The following ABLIM2 variants were observed in gnomAD, a reference collection of about 807,000 sequenced individuals.
ABLIM2 encodes actin binding LIM protein family member 2.
ABLIM2 carries 53 observed loss-of-function variants against 97.7 expected under a neutral mutation model. The ratio of observed to expected loss-of-function variants is 0.54; its 90% CI spans 0.44 to 0.68. ABLIM2 has a LOEUF of 0.68. Among genes scored for constraint, ABLIM2 ranks in the 30% least tolerant of loss-of-function variants. ABLIM2 has a pLI of 0.00. For synonymous variants in ABLIM2, 361 were observed against 345.8 expected (o/e 1.04, Z -0.49); for missense variants, 835 against 867.2 (o/e 0.96, Z 0.47).
intron 14 of ABLIM2, among the ~76,000 whole-genome samples, chr4:8,016,139 G>A (rs1769060420): frequency 6.8e-6 from 1 of 146,230 alleles, no homozygotes; most frequent in East Asian, 2.1e-4. Context: ...CTGCCTCCCG[G>A]GTTCAAGCGA....
intron 1 of ABLIM2, among the ~76,000 whole-genome samples, chr4:8,118,702 T>C (rs570557912): frequency 4.3e-4 from 65 of 152,302 alleles, no homozygotes; most frequent in African/African-American, 1.5e-3. Context: ...TTGTCCTCGA[T>C]AGTCCTGGCA....
At position 8,096,106 on chromosome 4, in the gene ABLIM2, C is replaced by T. The variant is rs114220404; in HGVS notation, c.338+993G>A. On this transcript the variant is annotated intron_variant, in intron 3 of 20. Transcript: ENST00000447017. ...CCCTTGGGTCTCTCCCCCAACCCCA[C>T]GCTATCCTTCCGGAAACTGCCTCCA... Among the ~76,000 whole-genome samples, 385 of 152,288 alleles carry T rather than the reference C, an allele frequency of 2.5e-3. 1 individual carries two copies. The highest frequency in any genetic ancestry group is 9.0e-3 in the African/African-American group (375 of 41,552).
At chr4:7,987,775 G>A (rs1211553247) in intron 17 of ABLIM2, among the ~76,000 whole-genome samples, 1 of 152,194 alleles carries the variant, frequency 6.6e-6, no homozygotes, top group Non-Finnish European at 1.5e-5. Flanking sequence ...GTCTAGAGCA[G>A]GGAAAGTGGG....
At chr4:8,018,480 C>T (rs915124932) in intron 14 of ABLIM2, among the ~76,000 whole-genome samples, 1 of 152,198 alleles carries the variant, frequency 6.6e-6, no homozygotes, top group African/African-American at 2.4e-5. Context: ...GAGGTTCATG[C>T]TCTACGCTTC....
rs1745444450 is a variant in ABLIM2 at position 7,987,625 on chromosome 4, A to C, written c.1681-2732T>G. The stretch of plus-strand genomic sequence containing the variant: ...GGGCTTCCAAAACTCGCAGGGCACC[A>C]CCTTCACCTTGGACGGTTGGAAACT... On this transcript the variant is annotated intron_variant, in intron 17 of 20. Transcript: ENST00000447017. Among the ~76,000 whole-genome samples the C allele has an allele frequency of 2.0e-5, 3 of 152,148 alleles. No homozygotes were observed. The South Asian group carries it at 6.2e-4, about 32-fold the overall frequency.
intron 20 of ABLIM2, among the ~76,000 whole-genome samples, chr4:7,974,566 T>A (rs1731332186): frequency 1.1e-5 from 1 of 87,138 alleles, no homozygotes; most frequent in Non-Finnish European, 2.2e-5. Flanking sequence ...CGCCTACCCA[T>A]CCACCCATCC....
chr4:8,103,251 C>T (rs933312521), intron 2 of ABLIM2, among the ~76,000 whole-genome samples: 4 of 152,174 alleles, frequency 2.6e-5, no homozygotes, highest in African/African-American at 9.7e-5. Flanking sequence ...TTTATTCATC[C>T]CAAAGCACCC....
intron 20 of ABLIM2, among the ~76,000 whole-genome samples, chr4:7,982,678 G>C (rs1460427716): frequency 6.6e-6 from 1 of 151,852 alleles, no homozygotes; most frequent in Admixed American, 6.6e-5. Context: ...CAGTAGGAGA[G>C]AACAGGCACC....
At chr4:7,989,382 T>C (rs1486155449) in intron 17 of ABLIM2, 1 of 984,330 alleles carries the variant, frequency 1.0e-6, no homozygotes, top group African/African-American at 1.7e-5. Context: ...CCTGGCCCCA[T>C]TTGTTTTATT....
At chr4:8,101,279 G>A (rs1418590627) in intron 2 of ABLIM2, among the ~76,000 whole-genome samples, 6 of 152,324 alleles carry the variant, frequency 3.9e-5, no homozygotes, top group East Asian at 1.9e-4. Context: ...TGAGGCAGAC[G>A]TCATCTGAGA....
chr4:7,978,296 T>A (rs1415238650), intron 20 of ABLIM2, among the ~76,000 whole-genome samples: 1 of 152,122 alleles, frequency 6.6e-6, no homozygotes, highest in Non-Finnish European at 1.5e-5. Flanking sequence ...TGGCTGAGCC[T>A]GAGGAGGAAG....
intron 17 of ABLIM2, among the ~76,000 whole-genome samples, chr4:7,989,716 T>G (rs1421111736): frequency 6.6e-6 from 1 of 152,252 alleles, no homozygotes; most frequent in Non-Finnish European, 1.5e-5. Context: ...AAAAATCTAA[T>G]CTGACAGTCT....
Position 8,083,874 on chromosome 4 carries a change from C to T in ABLIM2, c.455-3072G>A, listed in dbSNP as rs1234189539. Among the ~76,000 whole-genome samples the T allele has an allele frequency of 6.6e-6, 1 of 152,152 alleles. No individual in the cohort carries two copies. Among genetic ancestry groups the T allele is most frequent in the Non-Finnish European group, 1.5e-5 (1 of 68,018 alleles). The stretch of plus-strand genomic sequence containing the variant: ...GAACCTTCCACTTTCCTATTTTCCC[C>T]AAAAGGCTCCCTCTTCCACAAGATG... On this transcript the variant is annotated intron_variant, in intron 4 of 20. Transcript: ENST00000447017. The surrounding 1 kb of genome is among the most constrained non-coding windows in gnomAD (Gnocchi z 4.6).
In ABLIM2 at chr4:8,060,898, C is replaced by T. The variant is rs565564745; in HGVS notation, c.763+69G>A. On this transcript the variant is annotated intron_variant, in intron 7 of 20. Coordinates refer to ENST00000447017, the MANE Select transcript of ABLIM2 (RefSeq NM_001130083.2). ...CTGTCACCAACCTGTTCACACCCAG[C>T]ATGTGTGTGGACATCGAAGAGGGTA... 4.7e-6 allele frequency: 6 copies of T among 1,285,102 alleles called. No individual in the cohort carries two copies. The Admixed American group carries it at 1.2e-4, about 26-fold the overall frequency. The allele number at this position is 1,285,102 out of a possible 1,614,324, so 79.6% of individuals were successfully genotyped here.
At chr4:8,036,343 C>G in intron 9 of ABLIM2, 48 bp from the exon 10 acceptor site, 1 of 1,598,968 alleles carries the variant, frequency 6.3e-7, no homozygotes, top group Non-Finnish European at 8.5e-7. Context: ...CAGATGCACC[C>G]CAGAGGGCAG....
In ABLIM2 at chr4:8,149,978, A is replaced by C. The variant is rs1325322344; in HGVS notation, c.10+8702T>G. Among the ~76,000 whole-genome samples the C allele has an allele frequency of 2.0e-5, 3 of 148,064 alleles. No individual in the cohort carries two copies. The highest frequency in any genetic ancestry group is 2.0e-4 in the East Asian group (1 of 5,072). On this transcript the variant is annotated intron_variant, in intron 1 of 20. Transcript: ENST00000447017. This position sits in a 1 kb window ranked among gnomAD's most constrained non-coding sequence, Gnocchi z 6.4. ...CTGGCTTCCCCTCCCTTCCCCCCTTACCCTCCTCACACCTCCCTCGTGCTT... is the reference window on the plus strand; with the variant it reads ...CTGGCTTCCCCTCCCTTCCCCCCTTCCCCTCCTCACACCTCCCTCGTGCTT...
In ABLIM2 at chr4:8,077,613, GC is replaced by G. The variant is rs544890897; in HGVS notation, c.675+14del. 5,056 of 1,593,524 alleles carry G rather than the reference GC, an allele frequency of 3.2e-3. 11 individuals are homozygous for G. Among genetic ancestry groups the G allele is most frequent in the Non-Finnish European group, 4.0e-3 (4,640 of 1,169,048 alleles). Reference sequence around the variant, plus strand: ...CTAGCTCAGAGCGGGCAGGGGCCCGGCCCGCCGCGCTTACCTCCAGCACGCG... The same window carrying G: ...CTAGCTCAGAGCGGGCAGGGGCCCGGCCGCCGCGCTTACCTCCAGCACGCG... On this transcript the variant is annotated intron_variant, in intron 6 of 20. Coordinates refer to ENST00000447017, the MANE Select transcript of ABLIM2 (RefSeq NM_001130083.2).
chr4:8,126,907 A>C (rs182875750), intron 1 of ABLIM2, among the ~76,000 whole-genome samples: 18 of 152,218 alleles, frequency 1.2e-4, no homozygotes, highest in African/African-American at 4.1e-4. Flanking sequence ...CTCTACTAAA[A>C]AAATTAAAAA....
At chr4:8,038,435 G>T (rs1164123318) in intron 9 of ABLIM2, among the ~76,000 whole-genome samples, 1 of 152,164 alleles carries the variant, frequency 6.6e-6, no homozygotes, top group Non-Finnish European at 1.5e-5. Flanking sequence ...GCTGGACAAT[G>T]TAAGCCCTCA....
Sources: gnomAD v4.1 joint callset for allele counts (sites outside exome capture counted in the v4.1 genomes callset) on GRCh38, gnomAD v4.1.1 for gene constraint, Gnocchi (gnomAD v3.1) non-coding constraint, MANE v1.5 for transcripts, NCBI Gene and HGNC (gene_info 2026-07-23, HGNC 2026-07-21) for gene names.